The following COL18A1 variants were observed in gnomAD, a reference collection of about 807,000 sequenced individuals.
The protein encoded by COL18A1 is collagen alpha-1(XVIII) chain.
In COL18A1, 133 loss-of-function variants were observed where a neutral mutation model predicts 168.0. That is an observed-to-expected ratio of 0.79 (90% CI 0.69 to 0.91). The LOEUF is 0.91. COL18A1 is among the 40% of genes least tolerant of loss of function. COL18A1 has a pLI of 0.00. For synonymous variants in COL18A1, 949 were observed against 809.0 expected (o/e 1.17, Z -2.94); for missense variants, 2,126 against 1,925.4 (o/e 1.10, Z -1.95).
rs1225701954 is a variant in COL18A1, at chr21:45,505,963, C to T, written c.3213C>T (p.Val1071=). 1 of 1,612,998 alleles carries T rather than the reference C, an allele frequency of 6.2e-7. No individual in the cohort carries two copies. Among genetic ancestry groups the T allele is most frequent in the African/African-American group, 1.3e-5 (1 of 74,918 alleles). ...YVRVQNGFRK[V]QLEARTPLPR... is the part of the protein sequence containing the mutation. Reference sequence around the variant, plus strand: ...GCGTGCAGAACGGGTTCCGGAAGGTCCAGGTGAGCGCTCTGTGTGACGGGT... The same window carrying T: ...GCGTGCAGAACGGGTTCCGGAAGGTTCAGGTGAGCGCTCTGTGTGACGGGT... Residue 1071 remains valine (V), a synonymous_variant, in exon 37 of 42, where the codon GTC becomes GTT. Coordinates refer to ENST00000651438, the MANE Select transcript of COL18A1 (RefSeq NM_001379500.1).
At chr21:45,497,454 C>A in intron 31 of COL18A1, 145 bp from the exon 32 acceptor site, 1 of 1,159,720 alleles carries the variant, frequency 8.6e-7, no homozygotes, top group Non-Finnish European at 1.2e-6. Context: ...TGCTCTCCAG[C>A]AGCTCCTACC....
At chr21:45,507,907 T>G (rs1444335372) in intron 38 of COL18A1, among the ~76,000 whole-genome samples, 1 of 152,200 alleles carries the variant, frequency 6.6e-6, no homozygotes, top group East Asian at 1.9e-4. Context: ...CCACATCTTG[T>G]GTCTTTGCCT....
At chr21:45,474,102 G>A (rs528473687) in intron 4 of COL18A1, 121 bp downstream of exon 4, 115 of 744,712 alleles carry the variant, frequency 1.5e-4, no homozygotes, top group Admixed American at 6.0e-4. Context: ...GGGAAGCTGC[G>A]ATACCATTTC....
intron 2 of COL18A1, among the ~76,000 whole-genome samples, chr21:45,430,064 A>C (rs952205609): frequency 6.7e-6 from 1 of 148,164 alleles, no homozygotes; most frequent in Non-Finnish European, 1.5e-5. Flanking sequence ...CAGCATGTGA[A>C]GTGGGGTCAT....
intron 2 of COL18A1, among the ~76,000 whole-genome samples, chr21:45,440,684 G>T (rs1602390447): frequency 6.6e-6 from 1 of 152,048 alleles, no homozygotes; most frequent in Non-Finnish European, 1.5e-5. Flanking sequence ...GAAGCAGTCG[G>T]GGCCTGCTGG....
intron 2 of COL18A1, among the ~76,000 whole-genome samples, chr21:45,464,258 A>G (rs112811109): frequency 0.029 from 4,439 of 152,196 alleles, 232 homozygotes; most frequent in African/African-American, 0.1. Flanking sequence ...TCCTCTTCCC[A>G]GGATGGGATT....
intron 2 of COL18A1, among the ~76,000 whole-genome samples, chr21:45,441,691 C>T (rs537439835): frequency 2.0e-5 from 3 of 152,374 alleles, no homozygotes; most frequent in African/African-American, 4.8e-5. Context: ...TGGCTCTTCA[C>T]GCCAACAGGT....
At chr21:45,411,450 C>T (rs1278676155) in intron 2 of COL18A1, among the ~76,000 whole-genome samples, 1 of 152,122 alleles carries the variant, frequency 6.6e-6, no homozygotes, top group Non-Finnish European at 1.5e-5. Context: ...CATTTTTGAG[C>T]ACCTTCTGTG....
At position 45,480,145 on chromosome 21, in the gene COL18A1, CACG is replaced by C; in HGVS notation, c.1390_1392del (p.Asp464del). ...AGGGCCCCCAGGACCCTCCTTCAGA[CACG>C]ACAAGCTGGTAAGTCCCGCCCTTGG... On this transcript the variant is annotated inframe_deletion, in exon 11 of 42. Transcript: ENST00000651438. 3 of 1,579,038 alleles carry C rather than the reference CACG, an allele frequency of 1.9e-6. No individual in the cohort carries two copies. The highest frequency in any genetic ancestry group is 2.6e-6 in the Non-Finnish European group (3 of 1,149,414).
intron 2 of COL18A1, among the ~76,000 whole-genome samples, chr21:45,449,620 G>A (rs1422960954): frequency 6.6e-6 from 1 of 152,176 alleles, no homozygotes; most frequent in Non-Finnish European, 1.5e-5. Context: ...GTAAGCTGGG[G>A]GTGGGTGTTA....
intron 2 of COL18A1, among the ~76,000 whole-genome samples, chr21:45,430,537 G>T (rs566376846): frequency 1.2e-4 from 19 of 152,240 alleles, no homozygotes; most frequent in African/African-American, 4.1e-4. Flanking sequence ...GGAGGGACCG[G>T]GTGGGGCATC....
rs773953865 is a variant in COL18A1, at chr21:45,512,265, C to T, written c.3887C>T (p.Thr1296Met). 29 of 1,611,636 alleles carry T rather than the reference C, an allele frequency of 1.8e-5. No individual in the cohort carries two copies. The highest frequency in any genetic ancestry group is 2.2e-5 in the Non-Finnish European group (26 of 1,179,570). ...GAGAGCTACTGTGAGACGTGGCGGA[C>T]GGAGGCTCCCTCGGCCACGGGCCAG... ...LTESYCETWRTEAPSATGQAS... is the reference protein window; with the variant it reads ...LTESYCETWRMEAPSATGQAS... The change falls in exon 42 of 42, where the codon ACG (threonine) becomes ATG (methionine). Residue 1296 changes from threonine to methionine, a missense_variant. Transcript: ENST00000651438.
chr21:45,422,099 A>T (rs1289812496), intron 2 of COL18A1, among the ~76,000 whole-genome samples: 2 of 152,082 alleles, frequency 1.3e-5, no homozygotes, highest in Non-Finnish European at 1.5e-5. Context: ...ACAAGCTCTC[A>T]CACACACACG....
chr21:45,466,546 GACA>G (rs1346903273), intron 2 of COL18A1, among the ~76,000 whole-genome samples: 1 of 152,210 alleles, frequency 6.6e-6, no homozygotes, highest in African/African-American at 2.4e-5. Flanking sequence ...TTGATTCCAG[GACA>G]TCTGAGACAG....
chr21:45,476,484 A>G lies in COL18A1; in HGVS notation c.928+4A>G. The G allele has an allele frequency of 6.3e-7, 1 of 1,598,926 alleles. No individual in the cohort carries two copies. The highest frequency in any genetic ancestry group is 8.5e-7 in the Non-Finnish European group (1 of 1,172,488). On this transcript the variant is annotated splice_donor_region_variant and intron_variant, in intron 6 of 41. Coordinates refer to ENST00000651438, the MANE Select transcript of COL18A1 (RefSeq NM_001379500.1). Reference sequence around the variant, plus strand: ...ACCACGGTGGCTTCGTTAGGAGGTAAGCTCTTTTCTGGATGTGGTGTGTGT... The same window carrying G: ...ACCACGGTGGCTTCGTTAGGAGGTAGGCTCTTTTCTGGATGTGGTGTGTGT...
chr21:45,409,677 T>C (rs887124071), intron 2 of COL18A1, among the ~76,000 whole-genome samples: 2 of 152,232 alleles, frequency 1.3e-5, no homozygotes, highest in East Asian at 3.9e-4. Context: ...TGCCATCTGG[T>C]GCCTGAGCGC....
At chr21:45,433,459 C>T (rs959931121) in intron 2 of COL18A1, among the ~76,000 whole-genome samples, 8 of 152,150 alleles carry the variant, frequency 5.3e-5, no homozygotes, top group Non-Finnish European at 7.4e-5. Flanking sequence ...GTGAGCAGGG[C>T]CACAGAGCAC....
intron 2 of COL18A1, among the ~76,000 whole-genome samples, chr21:45,427,294 C>T (rs2033832684): frequency 6.6e-6 from 1 of 152,196 alleles, no homozygotes; most frequent in South Asian, 2.1e-4. Context: ...CCAGTGGCCC[C>T]TGGAGGCTTC....
rs11544970 is a variant in COL18A1, at chr21:45,504,469, C to T, written c.2781C>T (p.Pro927=). The change falls in exon 34 of 42, where the codon CCC becomes CCT. Residue 927 remains proline, a synonymous_variant. Transcript: ENST00000651438. ...GACAGAAAGGCGAAAGGGGGGAGCC[C>T]GGGGGCGGCGGTTTCTTCGGCTCCA... ...DAGQKGERGE[P]GGGGFFGSSL... 40,717 of 1,607,824 alleles carry T rather than the reference C, an allele frequency of 0.025. 640 individuals carry two copies. Among genetic ancestry groups the T allele is most frequent in the South Asian group, 0.043 (3,874 of 90,862 alleles).
Sources: allele counts gnomAD v4.1 joint callset (sites outside exome capture counted in the v4.1 genomes callset), GRCh38; gene constraint gnomAD v4.1.1; transcripts MANE v1.5; gene names NCBI Gene and HGNC (gene_info 2026-07-23, HGNC 2026-07-21).